The following YPEL2 variants were observed in gnomAD, a reference collection of about 807,000 sequenced individuals.
YPEL2 encodes the protein yippee like 2, also known as protein yippee-like 2.
YPEL2 carries 2 observed loss-of-function variants against 19.1 expected under a neutral mutation model. The ratio of observed to expected loss-of-function variants is 0.10; its 90% confidence interval spans 0.04 to 0.33. The LOEUF (loss-of-function observed/expected upper bound fraction) is 0.33. YPEL2 is among the 10% of genes least tolerant of loss of function. The pLI is 1.00. For missense variants in YPEL2, 66 were observed against 140.7 expected, an observed-to-expected ratio of 0.47 and a Z score of 2.68; for synonymous variants, 52 against 50.0, an observed-to-expected ratio of 1.04 and a Z score of -0.17.
At chr17:59,378,924 G>T (rs1310468368) in intron 2 of YPEL2, among the ~76,000 whole-genome samples, 2 of 152,170 alleles carry the variant, frequency 1.3e-5, no homozygotes, top group East Asian at 3.8e-4. Flanking sequence ...AAGGTTCCTA[G>T]ACAGGTGTGT....
intron 1 of YPEL2, among the ~76,000 whole-genome samples, chr17:59,349,153 G>T (rs907355937): frequency 1.1e-4 from 14 of 126,192 alleles, no homozygotes; most frequent in African/African-American, 3.8e-4. Context: ...CAGCCTGGGT[G>T]ACAGAGCGAG....
chr17:59,364,612 C>CT (rs56282847), intron 2 of YPEL2, among the ~76,000 whole-genome samples: 2,146 of 108,570 alleles, frequency 0.02, 66 homozygotes, highest in African/African-American at 0.033. Flanking sequence ...CCCTCTGTGT[C>CT]TTTTTTTTTT....
At chr17:59,393,821 G>C (rs1163944997) in intron 4 of YPEL2, among the ~76,000 whole-genome samples, 1 of 151,098 alleles carries the variant, frequency 6.6e-6, no homozygotes, top group African/African-American at 2.4e-5. Context: ...AGAGAGCACA[G>C]GGTTGGGGGT....
intron 2 of YPEL2, among the ~76,000 whole-genome samples, chr17:59,381,551 C>T (rs2047949356): frequency 6.6e-6 from 1 of 152,144 alleles, no homozygotes; most frequent in Non-Finnish European, 1.5e-5. Flanking sequence ...ATTCATTTTT[C>T]AGTGGTTCTC....
rs2047795568 is a variant in YPEL2 at position 59,353,120 on chromosome 17, G to A, written c.-195-95G>A. ...AAGTGGGTCATTTGATCCTGTCAGT[G>A]TTGCCTTCTTCATGGGTGGCAGTTG... On this transcript the variant is annotated intron_variant, in intron 1 of 4. Coordinates refer to ENST00000312655, the MANE Select transcript of YPEL2 (RefSeq NM_001005404.4). The surrounding 1 kb of genome is among the most constrained non-coding windows in gnomAD (Gnocchi z 4.8). The A allele has an allele frequency of 3.7e-6, 1 of 273,880 alleles. No individual in the cohort carries two copies. Among genetic ancestry groups the A allele is most frequent in the South Asian group, 8.3e-5 (1 of 12,116 alleles). 17.0% of individuals were successfully genotyped at this position (273,880 alleles called of 1,614,324 possible).
At chr17:59,392,896 C>A (rs899192065) in intron 4 of YPEL2, among the ~76,000 whole-genome samples, 1 of 152,160 alleles carries the variant, frequency 6.6e-6, no homozygotes. Context: ...GTGATCCCCC[C>A]ACCTTGGTCT....
At chr17:59,352,998 T>C (rs1410677675) in intron 1 of YPEL2, among the ~76,000 whole-genome samples, 1 of 152,164 alleles carries the variant, frequency 6.6e-6, no homozygotes, top group Non-Finnish European at 1.5e-5. Context: ...GCTGGGATGA[T>C]ACTGAACTTC....
At chr17:59,339,591 G>A (rs1161239488) in intron 1 of YPEL2, among the ~76,000 whole-genome samples, 3 of 152,082 alleles carry the variant, frequency 2.0e-5, no homozygotes, top group African/African-American at 7.2e-5. Context: ...AGTTGACTTA[G>A]ACTCTCCCAT....
At chr17:59,385,128 A>G (rs996803545) in intron 2 of YPEL2, among the ~76,000 whole-genome samples, 1 of 152,342 alleles carries the variant, frequency 6.6e-6, no homozygotes, top group Non-Finnish European at 1.5e-5. Flanking sequence ...ATGAACTATA[A>G]TATCCATAGA....
intron 2 of YPEL2, among the ~76,000 whole-genome samples, chr17:59,377,554 A>T (rs1285692414): frequency 3.3e-5 from 5 of 152,168 alleles, no homozygotes; most frequent in Non-Finnish European, 5.9e-5. Flanking sequence ...CATACTTCCC[A>T]TGCCTCACTC....
chr17:59,398,508 TC>T lies in YPEL2; in HGVS notation c.*1320del, dbSNP rs1235734374. The T allele has an allele frequency of 2.0e-5, 3 of 152,008 alleles. No homozygotes were observed. The highest frequency in any genetic ancestry group is 7.3e-5 in the African/African-American group (3 of 41,310). 9.4% of individuals were successfully genotyped at this position (152,008 alleles called of 1,614,324 possible). Reference sequence around the variant, plus strand: ...CAGCAGGGAGGAGTTCTGCCCAAATTCCGATATCACCCCTTCCCCCATCCAA... The same window carrying T: ...CAGCAGGGAGGAGTTCTGCCCAAATTCGATATCACCCCTTCCCCCATCCAA... On this transcript the variant is annotated 3_prime_UTR_variant, in exon 5 of 5. Transcript: ENST00000312655.
intron 4 of YPEL2, among the ~76,000 whole-genome samples, chr17:59,396,631 A>G (rs758983862): frequency 6.6e-6 from 1 of 152,234 alleles, no homozygotes; most frequent in Non-Finnish European, 1.5e-5. Context: ...GGGGACATAA[A>G]GCGCTTGAGG....
At chr17:59,370,880 C>T (rs2047893794) in intron 2 of YPEL2, among the ~76,000 whole-genome samples, 1 of 152,306 alleles carries the variant, frequency 6.6e-6, no homozygotes, top group South Asian at 2.1e-4. Flanking sequence ...TCAGAAGCCC[C>T]AATTAATGTG....
chr17:59,395,058 C>T (rs556403893), intron 4 of YPEL2, among the ~76,000 whole-genome samples: 31 of 152,322 alleles, frequency 2.0e-4, no homozygotes, highest in Non-Finnish European at 4.3e-4. Context: ...AGCTTCGGCT[C>T]GGCATCAGAG....
At chr17:59,374,359 C>T (rs1466823973) in intron 2 of YPEL2, among the ~76,000 whole-genome samples, 10 of 152,198 alleles carry the variant, frequency 6.6e-5, no homozygotes, top group Non-Finnish European at 1.5e-4. Flanking sequence ...TCAGTCCCCA[C>T]CATAATTCTT....
At chr17:59,371,359 GACC>G (rs1035952554) in intron 2 of YPEL2, among the ~76,000 whole-genome samples, 2 of 152,226 alleles carry the variant, frequency 1.3e-5, no homozygotes, top group Non-Finnish European at 2.9e-5. Flanking sequence ...CCTGGGTGGT[GACC>G]AGCTGCCTGT....
intron 2 of YPEL2, among the ~76,000 whole-genome samples, chr17:59,372,656 C>T (rs2047902461): frequency 6.6e-6 from 1 of 152,158 alleles, no homozygotes; most frequent in Non-Finnish European, 1.5e-5. Flanking sequence ...GATAAGAATG[C>T]CCTGTGTTTA....
At chr17:59,331,990 G>A (rs956591826) in intron 1 of YPEL2, among the ~76,000 whole-genome samples, 166 bp downstream of exon 1, 1 of 151,582 alleles carries the variant, frequency 6.6e-6, no homozygotes, top group African/African-American at 2.4e-5. Context: ...CGTGGGCGCC[G>A]GGGACGGGGA....
chr17:59,353,533 A>G lies in YPEL2; in HGVS notation c.117+7A>G, dbSNP rs762589953. 1 of 1,611,288 alleles carries G rather than the reference A, an allele frequency of 6.2e-7. No individual in the cohort carries two copies. Among genetic ancestry groups the G allele is most frequent in the South Asian group, 1.1e-5 (1 of 91,006 alleles). On this transcript the variant is annotated splice_region_variant and intron_variant, in intron 2 of 4. Transcript: ENST00000312655. This position sits in a 1 kb window ranked among gnomAD's most constrained non-coding sequence, Gnocchi z 4.8. The stretch of plus-strand genomic sequence containing the variant: ...TGATGAACTAATTTCCAAGGTACAC[A>G]TTTCCAGCAGGCCTTCCTTGCCTAC...
Sources: allele counts gnomAD v4.1 joint callset (sites outside exome capture counted in the v4.1 genomes callset), GRCh38; gene constraint gnomAD v4.1.1; non-coding constraint Gnocchi (gnomAD v3.1); transcripts MANE v1.5; gene names NCBI Gene and HGNC (gene_info 2026-07-23, HGNC 2026-07-21).